The following PDE10A variants were observed in gnomAD, a reference collection of about 807,000 sequenced individuals.
PDE10A encodes the protein phosphodiesterase 10A.
Under a neutral mutation model 97.7 loss-of-function variants are expected in PDE10A, and 39 were observed. The ratio of observed to expected loss-of-function variants is 0.40; its 90% CI spans 0.31 to 0.52. The LOEUF (loss-of-function observed/expected upper bound fraction) is 0.52. PDE10A is among the 20% of genes least tolerant of loss of function. The pLI is 0.56. For synonymous variants in PDE10A, 371 were observed against 376.8 expected, an observed-to-expected ratio of 0.98 and a Z score of 0.18; for missense variants, 731 against 1,047.8, an observed-to-expected ratio of 0.70 and a Z score of 4.17.
intron 1 of PDE10A, among the ~76,000 whole-genome samples, chr6:165,931,253 G>A (rs1401109201): frequency 1.3e-5 from 2 of 152,188 alleles, no homozygotes; most frequent in Admixed American, 1.3e-4. Flanking sequence ...TTCCTTGGCT[G>A]CAGTCATTAT....
intron 1 of PDE10A, among the ~76,000 whole-genome samples, chr6:165,713,187 T>A (rs7757375): frequency 0.66 from 100,409 of 152,054 alleles, 33,810 homozygotes; most frequent in African/African-American, 0.77. Context: ...AAGGAGCAGA[T>A]CACGAGTGCC....
At chr6:165,554,525 G>A (rs774747410) in intron 1 of PDE10A, among the ~76,000 whole-genome samples, 2 of 152,108 alleles carry the variant, frequency 1.3e-5, no homozygotes, top group Non-Finnish European at 2.9e-5. Flanking sequence ...AAATACTGGC[G>A]AGGATGTAGA....
intron 1 of PDE10A, among the ~76,000 whole-genome samples, chr6:165,826,458 T>TCTGTCCCCATGTCCAC (rs1369978927): frequency 3.3e-5 from 5 of 149,598 alleles, no homozygotes; most frequent in Admixed American, 2.7e-4. Context: ...CCTGTGTCTC[T>TCTGTCCCCATGTCCAC]CTGTCCCCAT....
chr6:165,941,124 A>G (rs1783503470), intron 1 of PDE10A, among the ~76,000 whole-genome samples: 1 of 152,204 alleles, frequency 6.6e-6, no homozygotes, highest in African/African-American at 2.4e-5. Flanking sequence ...TAGGCAAGTT[A>G]CTGATACTTC....
At chr6:165,560,483 T>TC (rs1279327827) in intron 1 of PDE10A, among the ~76,000 whole-genome samples, 2 of 152,166 alleles carry the variant, frequency 1.3e-5, no homozygotes, top group Non-Finnish European at 2.9e-5. Context: ...AATCAAATAG[T>TC]TACACAGGGT....
Position 165,778,020 on chromosome 6 carries a change from TAAA to T in PDE10A, c.-615+209506_-615+209508del, listed in dbSNP as rs560924952. 5.9e-4 allele frequency among the ~76,000 whole-genome samples: 88 copies of T among 149,310 alleles called. 1 individual carries two copies. The South Asian group carries it at 0.012, about 21-fold the overall frequency. On this transcript the variant is annotated intron_variant, in intron 1 of 19. Coordinates refer to the PDE10A transcript ENST00000366882. ...GCTTTGCTTGGTTTGGGGTTTAAAT[TAAA>T]AAGGCTACATTTTTTTTTCATTTTT...
rs1433496553 is a variant in PDE10A, at chr6:165,627,785, A to G, written c.865+34162T>C. On this transcript the variant is annotated intron_variant, in intron 1 of 21. Coordinates refer to ENST00000539869, the MANE Select transcript of PDE10A (RefSeq NM_001385079.1). Reference sequence around the variant, plus strand: ...AATATCTTTATTTTCCAGCACAACCACTGTTTCTAAAACTCTGCAACAGGC... The same window carrying G: ...AATATCTTTATTTTCCAGCACAACCGCTGTTTCTAAAACTCTGCAACAGGC... Among the ~76,000 whole-genome samples, 6 of 152,164 alleles carry G rather than the reference A, an allele frequency of 3.9e-5. No homozygotes were observed. The East Asian group carries it at 9.6e-4, about 24-fold the overall frequency.
intron 1 of PDE10A, among the ~76,000 whole-genome samples, chr6:165,789,863 TA>T (rs1778601536): frequency 2.0e-5 from 3 of 152,200 alleles, no homozygotes; most frequent in Non-Finnish European, 4.4e-5. Flanking sequence ...ATGGTCACTA[TA>T]ATATTGATAG....
intron 1 of PDE10A, among the ~76,000 whole-genome samples, chr6:165,674,071 C>T (rs73253469): frequency 0.024 from 3,630 of 152,190 alleles, 169 homozygotes; most frequent in African/African-American, 0.083. Context: ...TGGTCAGAAG[C>T]ACACAGAAAC....
chr6:165,400,310 C>A (rs220785), intron 13 of PDE10A, among the ~76,000 whole-genome samples: 66,698 of 151,586 alleles, frequency 0.44, 17,325 homozygotes, highest in African/African-American at 0.73. Flanking sequence ...CAATGTTAAA[C>A]ATCATAATAA....
rs562981605 is a variant in PDE10A at position 165,654,782 on chromosome 6, C to T, written c.865+7165G>A. ...TCCACCGCAATCTCCCGACCGAGGC[C>T]ACGGACGACCTCCTGGCTGCTGGAA... On this transcript the variant is annotated intron_variant, in intron 1 of 21. Coordinates refer to ENST00000539869, the MANE Select transcript of PDE10A (RefSeq NM_001385079.1). 7.2e-5 allele frequency among the ~76,000 whole-genome samples: 11 copies of T among 152,248 alleles called. No homozygotes were observed. The East Asian group carries it at 2.1e-3, about 30-fold the overall frequency.
intron 1 of PDE10A, among the ~76,000 whole-genome samples, chr6:165,859,844 G>C (rs951764906): frequency 5.9e-5 from 9 of 152,056 alleles, no homozygotes; most frequent in African/African-American, 2.2e-4. Flanking sequence ...ATATATGATG[G>C]AATACTACTC....
At chr6:165,738,461 C>T (rs540888310) in intron 1 of PDE10A, among the ~76,000 whole-genome samples, 107 of 151,114 alleles carry the variant, frequency 7.1e-4, no homozygotes, top group Non-Finnish European at 1.4e-3. Flanking sequence ...TGAATAATGC[C>T]GCAGTAAACA....
intron 1 of PDE10A, among the ~76,000 whole-genome samples, chr6:165,726,310 T>C (rs949630789): frequency 6.6e-6 from 1 of 152,092 alleles, no homozygotes; most frequent in African/African-American, 2.4e-5. Flanking sequence ...TTACAGAAAT[T>C]GGGAAGTATT....
intron 3 of PDE10A, among the ~76,000 whole-genome samples, chr6:165,471,274 C>A (rs1306472124): frequency 6.6e-6 from 1 of 152,162 alleles, no homozygotes; most frequent in Non-Finnish European, 1.5e-5. Context: ...ACTTCTTCCT[C>A]CCTTAGAAGT....
chr6:165,546,039 A>G (rs1307680451), intron 1 of PDE10A, among the ~76,000 whole-genome samples: 1 of 152,072 alleles, frequency 6.6e-6, no homozygotes, highest in Non-Finnish European at 1.5e-5. Context: ...ACAAATGGAT[A>G]AACAAACTGT....
At chr6:165,619,082 GTGTAGTC>G (rs1787881307) in intron 1 of PDE10A, among the ~76,000 whole-genome samples, 4 of 119,594 alleles carry the variant, frequency 3.3e-5, no homozygotes, top group African/African-American at 1.4e-4. Flanking sequence ...GTGTAGTCTA[GTGTAGTC>G]TAGTGTAGTG....
intron 1 of PDE10A, among the ~76,000 whole-genome samples, chr6:165,964,648 T>G (rs1784456243): frequency 6.6e-6 from 1 of 152,146 alleles, no homozygotes; most frequent in Non-Finnish European, 1.5e-5. Context: ...GAATCAGACT[T>G]TATAAGTCCT....
chr6:165,828,489 C>T (rs1318730629), intron 1 of PDE10A, among the ~76,000 whole-genome samples: 1 of 152,202 alleles, frequency 6.6e-6, no homozygotes, highest in Non-Finnish European at 1.5e-5. Context: ...TACATACATA[C>T]ACACATGAAC....
Sources: gnomAD v4.1 joint callset for allele counts (sites outside exome capture counted in the v4.1 genomes callset) on GRCh38, gnomAD v4.1.1 for gene constraint, MANE v1.5 for transcripts, NCBI Gene and HGNC (gene_info 2026-07-23, HGNC 2026-07-21) for gene names.